ARSJ: variants seen among roughly 807,000 people sequenced by gnomAD.
The protein encoded by ARSJ is arylsulfatase J.
Under a neutral mutation model 35.9 loss-of-function variants are expected in ARSJ, and 26 were observed. The observed-to-expected ratio is 0.72, with a 90% CI of 0.53 to 1.00. The LOEUF is 1.00. ARSJ is among the 50% of genes least tolerant of loss of function. The pLI is 0.00. For missense variants in ARSJ, 667 were observed against 723.6 expected (o/e 0.92, Z 0.90); for synonymous variants, 294 against 267.6 (o/e 1.10, Z -0.96).
chr4:113,968,214 G>A (rs1284526588), intron 1 of ARSJ, among the ~76,000 whole-genome samples: 1 of 152,074 alleles, frequency 6.6e-6, no homozygotes, highest in Non-Finnish European at 1.5e-5. Flanking sequence ...GATAGTTTAA[G>A]TTATATGGCT....
intron 1 of ARSJ, among the ~76,000 whole-genome samples, chr4:113,957,874 A>T (rs906418141): frequency 6.6e-6 from 1 of 152,112 alleles, no homozygotes; most frequent in Non-Finnish European, 1.5e-5. Context: ...TCAGTCAAGC[A>T]CACACACCTT....
intron 1 of ARSJ, among the ~76,000 whole-genome samples, chr4:113,914,405 A>G (rs1723149481): frequency 6.6e-6 from 1 of 152,148 alleles, no homozygotes; most frequent in Non-Finnish European, 1.5e-5. Flanking sequence ...TGTACCTTTG[A>G]CTTTCAAGAA....
At chr4:113,954,812 G>A (rs1726065912) in intron 1 of ARSJ, among the ~76,000 whole-genome samples, 1 of 152,010 alleles carries the variant, frequency 6.6e-6, no homozygotes, top group Non-Finnish European at 1.5e-5. Context: ...TAAACCTGTA[G>A]TCTGAGCCAG....
At chr4:113,975,764 C>T (rs541316633) in intron 1 of ARSJ, among the ~76,000 whole-genome samples, 24 of 152,260 alleles carry the variant, frequency 1.6e-4, no homozygotes, top group Middle Eastern at 6.8e-3. Context: ...GCTCAGCAGA[C>T]GCTAACATTT....
rs184635253 is a variant in ARSJ, at chr4:113,926,581, G to A, written c.399-22906C>T. Reference sequence around the variant, plus strand: ...AGGTAGGAGGAAGGCAGGGTGGCAGGAGTGGGGACCATGGGTATTTGAGCC... The same window carrying A: ...AGGTAGGAGGAAGGCAGGGTGGCAGAAGTGGGGACCATGGGTATTTGAGCC... On this transcript the variant is annotated intron_variant, in intron 1 of 1. Transcript: ENST00000315366. Among the ~76,000 whole-genome samples, 17 of 152,234 alleles carry A rather than the reference G, an allele frequency of 1.1e-4. No individual in the cohort carries two copies. In the East Asian group the frequency reaches 3.1e-3, roughly 28 times the overall value.
intron 1 of ARSJ, among the ~76,000 whole-genome samples, chr4:113,914,058 C>T (rs996622866): frequency 1.7e-4 from 26 of 152,158 alleles, no homozygotes; most frequent in African/African-American, 6.3e-4. Flanking sequence ...ACTGCAACCT[C>T]TGCCTCCTGG....
At chr4:113,972,571 C>A (rs1727341638) in intron 1 of ARSJ, among the ~76,000 whole-genome samples, 1 of 151,980 alleles carries the variant, frequency 6.6e-6, no homozygotes, top group Admixed American at 6.6e-5. Context: ...GTGCGGTGGC[C>A]CAATCATAAC....
At chr4:113,937,955 T>G (rs995161161) in intron 1 of ARSJ, among the ~76,000 whole-genome samples, 2 of 151,996 alleles carry the variant, frequency 1.3e-5, no homozygotes, top group African/African-American at 4.8e-5. Flanking sequence ...AAAATGGCCA[T>G]ACTGATGAAA....
At chr4:113,916,809 A>C (rs1351328882) in intron 1 of ARSJ, among the ~76,000 whole-genome samples, 13 of 152,196 alleles carry the variant, frequency 8.5e-5, no homozygotes, top group Non-Finnish European at 1.5e-4. Flanking sequence ...GAGGAATGCA[A>C]AGAAATAATT....
At chr4:113,927,130 G>A (rs1165257567) in intron 1 of ARSJ, among the ~76,000 whole-genome samples, 2 of 152,144 alleles carry the variant, frequency 1.3e-5, no homozygotes, top group East Asian at 1.9e-4. Context: ...AATGAGGAAT[G>A]TGTCGCCTCA....
At chr4:113,921,057 G>T (rs991094042) in intron 1 of ARSJ, among the ~76,000 whole-genome samples, 3 of 147,556 alleles carry the variant, frequency 2.0e-5, no homozygotes, top group African/African-American at 7.6e-5. Context: ...AGAGAGTGCA[G>T]TATATTGTTT....
chr4:113,973,679 T>C (rs1336386586), intron 1 of ARSJ, among the ~76,000 whole-genome samples: 1 of 152,196 alleles, frequency 6.6e-6, no homozygotes, highest in Admixed American at 6.5e-5. Context: ...CCTCTCTCGT[T>C]AAACCTTCAG....
Position 113,902,437 on chromosome 4 carries a change from A to C in ARSJ, c.1637T>G (p.Leu546Arg). 1 of 1,613,508 alleles carries C rather than the reference A, an allele frequency of 6.2e-7. No individual in the cohort carries two copies. Among genetic ancestry groups the C allele is most frequent in the South Asian group, 1.1e-5 (1 of 91,052 alleles). ...CCATGGTCCCCAGACCCCTCCATTG[A>C]GCCTAGGGTTACTTCTGGGGTCTTT... ...PPKDPRSNPR[L>R]NGGVWGPWYK... The change falls in exon 2 of 2, where the codon CTC becomes CGC. Residue 546 changes from leucine (L) to arginine (R), a missense_variant. Coordinates refer to ENST00000315366, the MANE Select transcript of ARSJ (RefSeq NM_024590.4).
intron 1 of ARSJ, among the ~76,000 whole-genome samples, chr4:113,939,743 C>CTT: frequency 1.3e-5 from 2 of 152,112 alleles, no homozygotes; most frequent in Non-Finnish European, 2.9e-5. Flanking sequence ...CCCTTGCCCA[C>CTT]TTTTTGATGG....
chr4:113,925,881 G>A (rs950261092), intron 1 of ARSJ, among the ~76,000 whole-genome samples: 1 of 152,160 alleles, frequency 6.6e-6, no homozygotes, highest in African/African-American at 2.4e-5. Context: ...TGAGGGCTCA[G>A]TGTTGGTCTC....
intron 1 of ARSJ, among the ~76,000 whole-genome samples, chr4:113,934,460 T>C (rs1239505020): frequency 2.0e-5 from 3 of 151,826 alleles, no homozygotes; most frequent in Non-Finnish European, 4.4e-5. Context: ...GAGGTCTTTA[T>C]ATTAAGTAAA....
rs536323642 is a variant in ARSJ, at chr4:113,933,201, G to A, written c.399-29526C>T. Among the ~76,000 whole-genome samples the A allele has an allele frequency of 5.1e-4, 78 of 151,966 alleles. 1 individual carries two copies. Among genetic ancestry groups the A allele is most frequent in the African/African-American group, 1.6e-3 (65 of 41,524 alleles). On this transcript the variant is annotated intron_variant, in intron 1 of 1. Coordinates refer to ENST00000315366, the MANE Select transcript of ARSJ (RefSeq NM_024590.4). ...CAACAAACCTATAGGTAACGAGATT[G>A]AAACTGTAATAAAATGTCTCTGATC...
At chr4:113,943,968 G>T (rs1191918293) in intron 1 of ARSJ, among the ~76,000 whole-genome samples, 2 of 152,018 alleles carry the variant, frequency 1.3e-5, no homozygotes, top group African/African-American at 2.4e-5. Flanking sequence ...AAATGGCAAA[G>T]ACATTGAAAA....
At chr4:113,932,267 T>C (rs1320862921) in intron 1 of ARSJ, among the ~76,000 whole-genome samples, 3 of 151,968 alleles carry the variant, frequency 2.0e-5, no homozygotes, top group Non-Finnish European at 4.4e-5. Flanking sequence ...GTAATCATAG[T>C]AGCGAACTTC....
Sources: gnomAD v4.1 joint callset for allele counts (sites outside exome capture counted in the v4.1 genomes callset) on GRCh38, gnomAD v4.1.1 for gene constraint, MANE v1.5 for transcripts, NCBI Gene and HGNC (gene_info 2026-07-23, HGNC 2026-07-21) for gene names.